Variants in AP1S3 observed in about 807,000 individuals in gnomAD.
AP1S3 encodes the protein AP-1 complex subunit sigma-3.
A neutral mutation model predicts 20.9 loss-of-function variants in AP1S3; 10 were observed. The ratio of observed to expected loss-of-function variants is 0.48; its 90% CI spans 0.29 to 0.81. AP1S3 has a LOEUF of 0.81. Ranked by LOEUF, AP1S3 falls within the 30% of genes least tolerant of loss-of-function variation. AP1S3 has a pLI of 0.08. For missense variants in AP1S3, 154 were observed against 183.8 expected (o/e 0.84, Z 0.94); for synonymous variants, 41 against 61.5 (o/e 0.67, Z 1.56).
Position 223,768,476 on chromosome 2 carries a change from T to C in AP1S3, c.292-3126A>G, listed in dbSNP as rs140334161. Among the ~76,000 whole-genome samples, 372 of 152,342 alleles carry C rather than the reference T, an allele frequency of 2.4e-3. 1 individual carries two copies. The highest frequency in any genetic ancestry group is 8.5e-3 in the African/African-American group (354 of 41,580). Reference sequence around the variant, plus strand: ...TACTGTGAGTTCAGGGCAGAAACTTTGTCTTCATTATCTTTATATCCCTGG... The same window carrying C: ...TACTGTGAGTTCAGGGCAGAAACTTCGTCTTCATTATCTTTATATCCCTGG... On this transcript the variant is annotated intron_variant, in intron 3 of 4. Transcript: ENST00000396654.
chr2:223,768,533 T>C (rs1002666903), intron 3 of AP1S3, among the ~76,000 whole-genome samples: 3 of 152,140 alleles, frequency 2.0e-5, no homozygotes, highest in Admixed American at 2.0e-4. Context: ...CAAAAAATGC[T>C]TGTAAGATAA....
chr2:223,817,164 C>A (rs1211638855), intron 1 of AP1S3, among the ~76,000 whole-genome samples: 1 of 152,040 alleles, frequency 6.6e-6, no homozygotes, highest in African/African-American at 2.4e-5. Context: ...TAAAATTAGG[C>A]CTCCGTATGA....
At chr2:223,826,547 T>C (rs558688417) in intron 1 of AP1S3, among the ~76,000 whole-genome samples, 1 of 152,258 alleles carries the variant, frequency 6.6e-6, no homozygotes, top group East Asian at 1.9e-4. Context: ...GAGCAGAGAT[T>C]GCACCACTGC....
At chr2:223,762,464 G>A (rs1234084137) in intron 4 of AP1S3, among the ~76,000 whole-genome samples, 1 of 152,026 alleles carries the variant, frequency 6.6e-6, no homozygotes, top group Non-Finnish European at 1.5e-5. Context: ...GTAGGGATGG[G>A]ATTTTGCCAT....
intron 1 of AP1S3, among the ~76,000 whole-genome samples, chr2:223,801,688 C>T (rs1691470103): frequency 6.6e-6 from 1 of 152,140 alleles, no homozygotes; most frequent in South Asian, 2.1e-4. Flanking sequence ...AAGTGGTCTG[C>T]CCGCCTCGGC....
intron 1 of AP1S3, among the ~76,000 whole-genome samples, chr2:223,829,293 A>T (rs1451264097): frequency 2.0e-5 from 3 of 152,198 alleles, no homozygotes; most frequent in Non-Finnish European, 4.4e-5. Flanking sequence ...TACAGGCCAA[A>T]TCTGGCCTTC....
intron 1 of AP1S3, among the ~76,000 whole-genome samples, chr2:223,814,693 A>G (rs2106120947): frequency 6.6e-6 from 1 of 152,364 alleles, no homozygotes; most frequent in East Asian, 1.9e-4. Context: ...TGAGGTTTGC[A>G]CATTAAACTA....
chr2:223,769,774 C>T (rs1343818092), intron 3 of AP1S3, among the ~76,000 whole-genome samples: 2 of 112,834 alleles, frequency 1.8e-5, no homozygotes, highest in African/African-American at 6.4e-5. Flanking sequence ...GAGACGGAGT[C>T]TCCCTGTCGC....
chr2:223,822,721 A>G (rs1692019665), intron 1 of AP1S3, among the ~76,000 whole-genome samples: 2 of 152,138 alleles, frequency 1.3e-5, no homozygotes, highest in Non-Finnish European at 2.9e-5. Flanking sequence ...AGTACAATAA[A>G]ATAAAATAAA....
chr2:223,796,471 T>A (rs1369533532), intron 1 of AP1S3, among the ~76,000 whole-genome samples: 1 of 152,186 alleles, frequency 6.6e-6, no homozygotes, highest in Non-Finnish European at 1.5e-5. Context: ...ACCTTTCCAT[T>A]ATTATTATTT....
intron 1 of AP1S3, among the ~76,000 whole-genome samples, chr2:223,837,174 G>A (rs1272003324): frequency 6.6e-6 from 1 of 151,262 alleles, no homozygotes; most frequent in South Asian, 2.1e-4. Flanking sequence ...ACCGAGCCCG[G>A]CACAGACTAA....
intron 4 of AP1S3, among the ~76,000 whole-genome samples, chr2:223,761,402 T>C (rs1043944932): frequency 3.3e-5 from 5 of 152,298 alleles, no homozygotes; most frequent in Non-Finnish European, 7.4e-5. Context: ...TAGAATCCTA[T>C]TGCTCATGAG....
At chr2:223,776,296 C>G in intron 2 of AP1S3, 1 of 447,806 alleles carries the variant, frequency 2.2e-6, no homozygotes, top group South Asian at 2.0e-5. Context: ...TCTTGGTAAT[C>G]AGGGTGTCTT....
chr2:223,796,394 C>T (rs1473551242), intron 1 of AP1S3, among the ~76,000 whole-genome samples: 2 of 152,286 alleles, frequency 1.3e-5, no homozygotes, highest in South Asian at 4.1e-4. Context: ...TCTTGGGAAA[C>T]AACAAACTAT....
intron 4 of AP1S3, among the ~76,000 whole-genome samples, chr2:223,764,875 A>G (rs890888329): frequency 1.3e-5 from 2 of 152,146 alleles, no homozygotes; most frequent in African/African-American, 4.8e-5. Context: ...GCTCATCCAA[A>G]TGTGAAGAGC....
intron 1 of AP1S3, among the ~76,000 whole-genome samples, chr2:223,832,131 CTCTCTGTGTGTGTGTGTGTGTGTG>C (rs1425623844): frequency 8.7e-5 from 10 of 114,740 alleles, no homozygotes; most frequent in African/African-American, 1.5e-4. Flanking sequence ...AAGGAGTTTT[CTCTCTGTGTGTGTGTGTGTGTGTG>C]TGTGTGTGTG....
At chr2:223,797,696 G>T (rs1230342304) in intron 1 of AP1S3, among the ~76,000 whole-genome samples, 1 of 152,284 alleles carries the variant, frequency 6.6e-6, no homozygotes, top group South Asian at 2.1e-4. Context: ...AACCCGGGGG[G>T]CAGGGGTTGC....
intron 1 of AP1S3, among the ~76,000 whole-genome samples, chr2:223,835,070 TGA>T (rs748727555): frequency 0.34 from 50,734 of 151,394 alleles, 8,827 homozygotes; most frequent in Middle Eastern, 0.42. Context: ...AAAATAGTTT[TGA>T]CCTTGCAGAC....
rs1195676499 is a variant in AP1S3, at chr2:223,777,799, T to C, written c.74A>G (p.Asp25Gly). The C allele has an allele frequency of 6.2e-7, 1 of 1,614,114 alleles. No individual in the cohort carries two copies. The highest frequency in any genetic ancestry group is 1.7e-5 in the Admixed American group (1 of 60,024). ...CCGGGTGATCTTCTTCCTCTCTTTA[T>C]CAGGGAGAGTGATGTACCATTTCTG... ...RLQKWYITLP[D>G]KERKKITREI... The change falls in exon 2 of 5, where the codon GAT becomes GGT. Residue 25 changes from aspartate to glycine, a missense_variant. Transcript: ENST00000396654.
Sources: allele counts gnomAD v4.1 joint callset (sites outside exome capture counted in the v4.1 genomes callset), GRCh38; gene constraint gnomAD v4.1.1; transcripts MANE v1.5; gene names NCBI Gene and HGNC (gene_info 2026-07-23, HGNC 2026-07-21).